Variants in GALNT13 observed in about 807,000 individuals in gnomAD.
GALNT13 encodes polypeptide N-acetylgalactosaminyltransferase 13, also known as UDP-GalNAc:polypeptide N-acetylgalactosaminyltransferase 13.
A neutral mutation model predicts 64.2 loss-of-function variants in GALNT13; 28 were observed. The observed-to-expected ratio is 0.44, with a 90% CI of 0.32 to 0.60. GALNT13 has a LOEUF of 0.60. Ranked by LOEUF, GALNT13 falls within the 20% of genes least tolerant of loss-of-function variation. The pLI is 0.05. For missense variants in GALNT13, 577 were observed against 669.8 expected (o/e 0.86, Z 1.53); for synonymous variants, 214 against 224.6 (o/e 0.95, Z 0.42).
chr2:153,412,978 A>G, the GALNT13 span, among the ~76,000 whole-genome samples: 1 of 152,184 alleles, frequency 6.6e-6, no homozygotes, highest in Non-Finnish European at 1.5e-5. Flanking sequence ...GACTAATTAT[A>G]AAAATGTAGG....
chr2:153,497,250 C>T, the GALNT13 span, among the ~76,000 whole-genome samples: 1 of 151,918 alleles, frequency 6.6e-6, no homozygotes, highest in Non-Finnish European at 1.5e-5. Context: ...AAATGTTGCT[C>T]GAACCTAAGG....
At chr2:153,853,294 C>T in the GALNT13 span, among the ~76,000 whole-genome samples, 1 of 152,094 alleles carries the variant, frequency 6.6e-6, no homozygotes, top group Admixed American at 6.5e-5. Context: ...AAATGTTAAT[C>T]TCCTTTGGCA....
chr2:153,884,125 T>C (rs1455913071), intron 1 of GALNT13, among the ~76,000 whole-genome samples: 2 of 152,058 alleles, frequency 1.3e-5, no homozygotes, highest in East Asian at 1.9e-4. Context: ...AGCACTGATA[T>C]AGTCCTTAAA....
At chr2:153,859,945 G>A in the GALNT13 span, among the ~76,000 whole-genome samples, 1 of 152,106 alleles carries the variant, frequency 6.6e-6, no homozygotes, top group African/African-American at 2.4e-5. Context: ...TAATTTACAT[G>A]TATAAAATTG....
chr2:153,277,909 T>TTTTC, the GALNT13 span, among the ~76,000 whole-genome samples: 3 of 110,534 alleles, frequency 2.7e-5, no homozygotes, highest in Non-Finnish European at 5.6e-5. Context: ...TTCTTTTTTC[T>TTTTC]TTTGTTTTCT....
intron 12 of GALNT13, among the ~76,000 whole-genome samples, chr2:154,442,501 A>G (rs535015012): frequency 2.6e-5 from 4 of 152,196 alleles, no homozygotes; most frequent in East Asian, 3.9e-4. Context: ...TGGGGTACCT[A>G]CGTGGTCTGG....
chr2:153,300,818 G>A, the GALNT13 span, among the ~76,000 whole-genome samples: 9 of 152,146 alleles, frequency 5.9e-5, no homozygotes, highest in Admixed American at 5.2e-4. Context: ...GCTTGAATTA[G>A]TGGTTATTGG....
chr2:153,259,010 C>G, the GALNT13 span, among the ~76,000 whole-genome samples: 6 of 152,108 alleles, frequency 3.9e-5, no homozygotes, highest in African/African-American at 7.2e-5. Flanking sequence ...TGTCGGTTCT[C>G]TTTCTGGATG....
chr2:153,637,412 CT>C, the GALNT13 span, among the ~76,000 whole-genome samples: 1 of 151,946 alleles, frequency 6.6e-6, no homozygotes, highest in Non-Finnish European at 1.5e-5. Flanking sequence ...CTTTTCCTGC[CT>C]TTTTTTGTTT....
chr2:154,009,204 G>A (rs1304031522), intron 3 of GALNT13, among the ~76,000 whole-genome samples: 1 of 150,834 alleles, frequency 6.6e-6, no homozygotes, highest in Non-Finnish European at 1.5e-5. Flanking sequence ...AGAAGAGATG[G>A]TTATAGGTGT....
chr2:154,356,284 G>GATT (rs1003095105), intron 9 of GALNT13, among the ~76,000 whole-genome samples: 1 of 151,830 alleles, frequency 6.6e-6, no homozygotes, highest in African/African-American at 2.4e-5. Context: ...GTCTCTGGTG[G>GATT]ATTATTCTGA....
At chr2:153,345,658 T>TCTTTCTTTCTTTCTTC in the GALNT13 span, among the ~76,000 whole-genome samples, 5 of 138,964 alleles carry the variant, frequency 3.6e-5, no homozygotes, top group African/African-American at 1.1e-4. Flanking sequence ...TTTCTTTCTT[T>TCTTTCTTTCTTTCTTC]CTTTCTTTCT....
chr2:153,265,153 T>G, the GALNT13 span, among the ~76,000 whole-genome samples: 1 of 152,142 alleles, frequency 6.6e-6, no homozygotes, highest in Non-Finnish European at 1.5e-5. Flanking sequence ...GAAGGGGTGA[T>G]GCAAGCACTC....
intron 4 of GALNT13, among the ~76,000 whole-genome samples, chr2:154,150,203 T>G (rs982274045): frequency 5.9e-5 from 9 of 152,228 alleles, no homozygotes; most frequent in African/African-American, 2.2e-4. Context: ...TTTTTGTCTT[T>G]GGTTCTGTTT....
chr2:154,434,889 T>C (rs925973035), intron 11 of GALNT13, among the ~76,000 whole-genome samples: 1 of 152,182 alleles, frequency 6.6e-6, no homozygotes, highest in Admixed American at 6.5e-5. Context: ...AATAGAAGAA[T>C]AGAGCAAATT....
chr2:153,201,043 G>A, the GALNT13 span, among the ~76,000 whole-genome samples: 18,514 of 152,204 alleles, frequency 0.12, 1,391 homozygotes, highest in Middle Eastern at 0.18. Flanking sequence ...CTTAGAGAGT[G>A]AACAGTTCTA....
intron 4 of GALNT13, among the ~76,000 whole-genome samples, chr2:154,233,310 CAT>C (rs1387977527): frequency 6.6e-5 from 10 of 151,996 alleles, no homozygotes; most frequent in African/African-American, 2.4e-4. Flanking sequence ...AAGTATGTAA[CAT>C]AATAGTTTGG....
intron 3 of GALNT13, among the ~76,000 whole-genome samples, chr2:153,969,336 A>T (rs931682349): frequency 1.3e-5 from 2 of 152,112 alleles, no homozygotes; most frequent in African/African-American, 2.4e-5. Flanking sequence ...AAACTTAAAA[A>T]TTTTTTTAAA....
At chr2:153,170,854 G>A in the GALNT13 span, among the ~76,000 whole-genome samples, 8 of 152,196 alleles carry the variant, frequency 5.3e-5, no homozygotes, top group Non-Finnish European at 1.2e-4. Flanking sequence ...TTTCTGACTA[G>A]TTATTCTGAT....
Sources: allele counts gnomAD v4.1 joint callset (sites outside exome capture counted in the v4.1 genomes callset), GRCh38; gene constraint gnomAD v4.1.1; transcripts MANE v1.5; gene names NCBI Gene and HGNC (gene_info 2026-07-23, HGNC 2026-07-21).